Variants in MYO10 observed in about 807,000 individuals in gnomAD.
MYO10 encodes the protein myosin X, also known as unconventional myosin-X.
A neutral mutation model predicts 257.3 loss-of-function variants in MYO10; 133 were observed. The observed-to-expected ratio is 0.52, with a 90% CI of 0.45 to 0.60. The LOEUF (loss-of-function observed/expected upper bound fraction) is 0.60, where lower values mean the gene tolerates loss of function less well. Ranked by LOEUF, MYO10 falls within the 20% of genes least tolerant of loss-of-function variation. MYO10 has a pLI of 0.00. For synonymous variants in MYO10, 1,104 were observed against 1,028.6 expected (o/e 1.07, Z -1.40); for missense variants, 2,399 against 2,635.7 (o/e 0.91, Z 1.97).
At chr5:16,773,495 T>C (rs1030733040) in intron 9 of MYO10, among the ~76,000 whole-genome samples, 1 of 151,800 alleles carries the variant, frequency 6.6e-6, no homozygotes, top group Non-Finnish European at 1.5e-5. Flanking sequence ...GAACCCCATT[T>C]CTAAAAAAAA....
intron 19 of MYO10, among the ~76,000 whole-genome samples, chr5:16,727,294 G>A (rs1184625690): frequency 6.6e-6 from 1 of 152,044 alleles, no homozygotes; most frequent in Non-Finnish European, 1.5e-5. Flanking sequence ...AAAAAGTTAG[G>A]GCTTCTGGTT....
At chr5:16,774,132 T>G (rs1053525843) in intron 9 of MYO10, among the ~76,000 whole-genome samples, 2 of 152,090 alleles carry the variant, frequency 1.3e-5, no homozygotes, top group African/African-American at 4.8e-5. Context: ...GAAAAAACCA[T>G]GGGAAATTCT....
Position 16,703,025 on chromosome 5 carries a change from C to A in MYO10, c.2410G>T (p.Ala804Ser), listed in dbSNP as rs1262815938. ...AGCAATTGTCTGTAAACTCTCCGAGCAATCTGACCTCTGAGTTGCTTCTGG... is the reference window on the plus strand; with the variant it reads ...AGCAATTGTCTGTAAACTCTCCGAGAAATCTGACCTCTGAGTTGCTTCTGG... ...VFQKQLRGQI[A>S]RRVYRQLLAE... is the part of the protein sequence containing the mutation. Residue 804 changes from alanine (A) to serine (S), a missense_variant, in exon 23 of 41, where the codon GCT becomes TCT. Coordinates refer to ENST00000513610, the MANE Select transcript of MYO10 (RefSeq NM_012334.3). 1 of 1,553,012 alleles carries A rather than the reference C, an allele frequency of 6.4e-7. No individual in the cohort carries two copies. Among genetic ancestry groups the A allele is most frequent in the Non-Finnish European group, 8.7e-7 (1 of 1,147,422 alleles).
At chr5:16,718,289 G>T (rs1738981540) in intron 19 of MYO10, among the ~76,000 whole-genome samples, 1 of 152,250 alleles carries the variant, frequency 6.6e-6, no homozygotes, top group Admixed American at 6.5e-5. Flanking sequence ...ACCGCCCCCT[G>T]CTCCACGGCG....
intron 19 of MYO10, chr5:16,713,527 G>A: frequency 1.0e-6 from 1 of 982,362 alleles, no homozygotes; most frequent in Non-Finnish European, 1.2e-6. Context: ...AGTGTGGTGT[G>A]GTTGTAGGAT....
chr5:16,900,982 C>A (rs1273983071), intron 1 of MYO10, among the ~76,000 whole-genome samples: 1 of 152,126 alleles, frequency 6.6e-6, no homozygotes, highest in East Asian at 1.9e-4. Flanking sequence ...TGAGGTGATT[C>A]ACCCACCTCG....
intron 2 of MYO10, among the ~76,000 whole-genome samples, chr5:16,835,390 G>A (rs111318792): frequency 0.013 from 1,917 of 151,566 alleles, 29 homozygotes; most frequent in African/African-American, 0.044. Flanking sequence ...AAAATTAGCC[G>A]GGCGTTGTGG....
intron 2 of MYO10, among the ~76,000 whole-genome samples, chr5:16,865,833 A>ATAATAATAATAATAG (rs1379447665): frequency 6.6e-6 from 1 of 151,366 alleles, no homozygotes; most frequent in South Asian, 2.1e-4. Flanking sequence ...AATAATAATA[A>ATAATAATAATAATAG]TAGTAAAAAA....
chr5:16,814,685 C>T (rs946193586), intron 3 of MYO10: 11 of 152,118 alleles, frequency 7.2e-5, no homozygotes, highest in African/African-American at 2.4e-4. Context: ...TGAATGGCTT[C>T]AATGATAATT....
intron 39 of MYO10, 60 bp downstream of exon 39, chr5:16,670,466 G>A: frequency 7.0e-7 from 1 of 1,431,770 alleles, no homozygotes; most frequent in East Asian, 2.3e-5. Context: ...ACTTGGCCGT[G>A]ATCCATGTTC....
chr5:16,816,045 A>C (rs1742596982), intron 3 of MYO10, among the ~76,000 whole-genome samples: 1 of 151,516 alleles, frequency 6.6e-6, no homozygotes, highest in Admixed American at 6.6e-5. Flanking sequence ...CAGTGTAAAA[A>C]AAAAAAAAAA....
chr5:16,927,816 G>A (rs1353665206), intron 1 of MYO10, among the ~76,000 whole-genome samples: 3 of 152,124 alleles, frequency 2.0e-5, no homozygotes, highest in Non-Finnish European at 4.4e-5. Context: ...TCCTGTAACT[G>A]GCAGCATTAG....
chr5:16,900,744 G>GTTTTTT (rs374195788), intron 1 of MYO10, among the ~76,000 whole-genome samples: 4,074 of 132,600 alleles, frequency 0.031, 263 homozygotes, highest in African/African-American at 0.099. Context: ...CCTAAATCTT[G>GTTTTTT]TTTTTTTTTT....
rs1423115373 is a variant in MYO10, at chr5:16,763,473, T to G, written c.1494+8A>C. On this transcript the variant is annotated splice_region_variant and intron_variant, in intron 14 of 40. Transcript: ENST00000513610. The stretch of plus-strand genomic sequence containing the variant: ...TGGGACTGTAACCATTCTTCAAAAA[T>G]ACATTACCTTCTCAATCAAGTCCAG... 4 of 1,605,130 alleles carry G rather than the reference T, an allele frequency of 2.5e-6. No individual in the cohort carries two copies. The highest frequency in any genetic ancestry group is 3.3e-5 in the Admixed American group (2 of 59,984).
intron 19 of MYO10, among the ~76,000 whole-genome samples, chr5:16,729,124 A>G (rs534091012): frequency 1.3e-5 from 2 of 152,318 alleles, no homozygotes; most frequent in East Asian, 1.9e-4. Flanking sequence ...AGAAGGTACT[A>G]AGGTCAATTT....
chr5:16,761,224 C>T (rs1740704544), intron 17 of MYO10, among the ~76,000 whole-genome samples: 1 of 152,152 alleles, frequency 6.6e-6, no homozygotes, highest in South Asian at 2.1e-4. Context: ...CTCCTGACCT[C>T]ACGTGATTTG....
chr5:16,834,674 G>A (rs994228424), intron 2 of MYO10, among the ~76,000 whole-genome samples: 4 of 152,178 alleles, frequency 2.6e-5, no homozygotes, highest in Non-Finnish European at 5.9e-5. Context: ...TTCATTTACA[G>A]GTCACCTTGA....
At position 16,699,533 on chromosome 5, in the gene MYO10, G is replaced by A. The variant is rs1418529998; in HGVS notation, c.3473C>T (p.Thr1158Ile). The stretch of plus-strand genomic sequence containing the variant: ...ACGCCGGTATGAAAGCTCATCATCT[G>A]TATCAAACCTGGAATCAAAGTCCTC... Reference protein sequence around the residue: ...SEEDFDSRFDTDDELSYRRDS... With the variant: ...SEEDFDSRFDIDDELSYRRDS... The change falls in exon 26 of 41, where the codon ACA (threonine) becomes ATA (isoleucine). Residue 1158 changes from threonine (T) to isoleucine (I), a missense_variant. By Grantham distance (89) the Thr-to-Ile change is moderately conservative (BLOSUM62 -1). Around this residue, in one of 3 missense-constraint regions of MYO10, gnomAD observed 1,820 missense variants for 1,939.4 expected, o/e 0.94. Transcript: ENST00000513610. The A allele has an allele frequency of 6.2e-7, 1 of 1,613,570 alleles. No individual in the cohort carries two copies. The highest frequency in any genetic ancestry group is 8.5e-7 in the Non-Finnish European group (1 of 1,179,808).
At chr5:16,762,779 C>G in intron 14 of MYO10, 142 bp from the exon 15 acceptor site, 1 of 587,224 alleles carries the variant, frequency 1.7e-6, no homozygotes, top group Non-Finnish European at 3.0e-6. Context: ...GCCTGGCCAA[C>G]AGTGAAACCC....
Sources: allele counts gnomAD v4.1 joint callset (sites outside exome capture counted in the v4.1 genomes callset), GRCh38; gene constraint gnomAD v4.1.1; regional missense constraint gnomAD v4.1.1; transcripts MANE v1.5; gene names NCBI Gene and HGNC (gene_info 2026-07-23, HGNC 2026-07-21).